The following GINS2 variants were observed in gnomAD, a reference collection of about 807,000 sequenced individuals.
GINS2 encodes DNA replication complex GINS protein PSF2.
GINS2 carries 23 observed loss-of-function variants against 21.2 expected under a neutral mutation model. The ratio of observed to expected loss-of-function variants is 1.08; its 90% CI spans 0.78 to 1.53. GINS2 has a LOEUF of 1.53. Among genes scored for constraint, GINS2 ranks in the 40% most tolerant of loss-of-function variants. The pLI is 0.00. For synonymous variants in GINS2, 118 were observed against 85.6 expected (o/e 1.38, Z -2.09); for missense variants, 323 against 233.9 (o/e 1.38, Z -2.49).
chr16:85,684,385 C>G lies in GINS2; in HGVS notation c.206-2704G>C, dbSNP rs923928334. Among the ~76,000 whole-genome samples the G allele has an allele frequency of 1.3e-5, 2 of 152,278 alleles. 1 individual carries two copies. The highest frequency in any genetic ancestry group is 4.2e-4 in the South Asian group (2 of 4,818). On this transcript the variant is annotated intron_variant, in intron 2 of 4. Coordinates refer to ENST00000253462, the MANE Select transcript of GINS2 (RefSeq NM_016095.3). ...TGATGCACACCTGTAGTCCCAGCTA[C>G]TAGGGAGGCTGAGATGGGAGGATCA...
chr16:85,687,348 G>C (rs1041091627), intron 2 of GINS2, 112 bp downstream of exon 2: 16 of 584,910 alleles, frequency 2.7e-5, no homozygotes, highest in Non-Finnish European at 4.9e-5. Flanking sequence ...ACGGAACAGA[G>C]GGAGCACGGA....
At position 85,678,125 on chromosome 16, in the gene GINS2, G is replaced by T; in HGVS notation, c.*87C>A. ...ATCACACATTTTTCATGCATCAGAA[G>T]TGTTTCTAGAGCTCCAGAACCACGA... On this transcript the variant is annotated 3_prime_UTR_variant, in exon 5 of 5. Coordinates refer to ENST00000253462, the MANE Select transcript of GINS2 (RefSeq NM_016095.3). 8.8e-7 allele frequency: 1 copy of T among 1,142,828 alleles called. No homozygotes were observed. The highest frequency in any genetic ancestry group is 1.4e-5 in the South Asian group (1 of 72,466). The allele number at this position is 1,142,828 out of a possible 1,614,324, so 70.8% of individuals were successfully genotyped here.
intron 3 of GINS2, 27 bp from the exon 4 acceptor site, chr16:85,678,693 C>G (rs753347888): frequency 1.9e-6 from 3 of 1,606,856 alleles, no homozygotes; most frequent in Non-Finnish European, 2.6e-6. Flanking sequence ...TAAAGTCAGT[C>G]GGGGAACACT....
intron 3 of GINS2, among the ~76,000 whole-genome samples, chr16:85,680,003 C>T (rs146939864): frequency 6.0e-4 from 91 of 152,296 alleles, no homozygotes; most frequent in Non-Finnish European, 1.1e-3. Context: ...TCTCCCCTAC[C>T]GTCCACCTCC....
chr16:85,685,648 G>A (rs1413598719), intron 2 of GINS2, among the ~76,000 whole-genome samples: 2 of 89,326 alleles, frequency 2.2e-5, no homozygotes, highest in African/African-American at 3.9e-5. Context: ...CCCAGCCTGG[G>A]TGACAGAGCA....
intron 3 of GINS2, among the ~76,000 whole-genome samples, chr16:85,680,582 C>T (rs1197112702): frequency 4.6e-5 from 7 of 151,986 alleles, no homozygotes; most frequent in Non-Finnish European, 1.5e-5. Flanking sequence ...GAGACCCAGC[C>T]CCTGCCCATT....
intron 3 of GINS2, among the ~76,000 whole-genome samples, chr16:85,680,378 C>T (rs544833329): frequency 1.3e-5 from 2 of 152,344 alleles, no homozygotes; most frequent in South Asian, 4.1e-4. Context: ...ACTAGTGTCA[C>T]AATTTTTTAT....
chr16:85,687,674 C>A, intron 1 of GINS2, 100 bp from the exon 2 acceptor site: 1 of 645,838 alleles, frequency 1.5e-6, no homozygotes, highest in Non-Finnish European at 2.6e-6. Context: ...ATTGCAGAGG[C>A]TGAAGTCCAA....
chr16:85,681,692 G>C lies in GINS2; in HGVS notation c.206-11C>G, dbSNP rs766620022. On this transcript the variant is annotated splice_polypyrimidine_tract_variant and intron_variant, in intron 2 of 4. Transcript: ENST00000253462. ...TCTTCTCCAACTTTTCTGAAATTTA[G>C]AAGTTAATACATTTTACCATCATTA... is the stretch of plus-strand genomic sequence containing the variant. 19 of 1,514,068 alleles carry C rather than the reference G, an allele frequency of 1.3e-5. No homozygotes were observed. The East Asian group carries it at 3.8e-4, about 30-fold the overall frequency. The allele number at this position is 1,514,068 out of a possible 1,614,324, so 93.8% of individuals were successfully genotyped here. A position where few individuals can be genotyped will look rare whatever the true frequency, so the allele number is the denominator to read the frequency against.
chr16:85,677,784 T>G lies in GINS2; in HGVS notation c.*428A>C. ...TCTGTGAGCCACCTCTGTGAGAGAG[T>G]CTAAATTCAGCCCAAGAAATCAGGA... On this transcript the variant is annotated 3_prime_UTR_variant, in exon 5 of 5. Coordinates refer to ENST00000253462, the MANE Select transcript of GINS2 (RefSeq NM_016095.3). The G allele has an allele frequency of 6.1e-6, 1 of 162,958 alleles. No homozygotes were observed. The highest frequency in any genetic ancestry group is 1.8e-4 in the East Asian group (1 of 5,500). The allele number at this position is 162,958 out of a possible 1,614,324, so 10.1% of individuals were successfully genotyped here.
At position 85,678,474 on chromosome 16, in the gene GINS2, C is replaced by T. The variant is rs2053704230; in HGVS notation, c.432+66G>A. The T allele has an allele frequency of 3.8e-6, 6 of 1,584,054 alleles. No individual in the cohort carries two copies. The African/African-American group carries it at 6.7e-5, about 18-fold the overall frequency. On this transcript the variant is annotated intron_variant, in intron 4 of 4. Coordinates refer to ENST00000253462, the MANE Select transcript of GINS2 (RefSeq NM_016095.3). ...TAATGCCTGCCTGTAATAGCCTCAGCAGACGGGAGCCATGTGAAATTATGC... is the reference window on the plus strand; with the variant it reads ...TAATGCCTGCCTGTAATAGCCTCAGTAGACGGGAGCCATGTGAAATTATGC...
chr16:85,681,599 C>T lies in GINS2; in HGVS notation c.288G>A (p.Thr96=), dbSNP rs370361738. The T allele has an allele frequency of 4.4e-5, 70 of 1,603,202 alleles. No individual in the cohort carries two copies. Among genetic ancestry groups the T allele is most frequent in the South Asian group, 2.6e-4 (24 of 90,798 alleles). ...PMPSPYYMEL[T]KLLLNHASDN... is the part of the protein sequence containing the mutation. ...CTACTTACTGATTTAACAGGAGCTTCGTAAGTTCCATGTAGTAAGGGCTGG... is the reference window on the plus strand; with the variant it reads ...CTACTTACTGATTTAACAGGAGCTTTGTAAGTTCCATGTAGTAAGGGCTGG... Residue 96 remains threonine (T), a synonymous_variant, in exon 3 of 5, where the codon ACG becomes ACA. Coordinates refer to ENST00000253462, the MANE Select transcript of GINS2 (RefSeq NM_016095.3).
intron 3 of GINS2, 54 bp downstream of exon 3, chr16:85,681,528 G>A (rs1598759592): frequency 2.9e-6 from 3 of 1,021,742 alleles, no homozygotes; most frequent in East Asian, 4.8e-5. Context: ...GTTAGGGGAA[G>A]GGCATGGCGA....
chr16:85,676,617 A>AG lies in GINS2; in HGVS notation c.*1594dup, dbSNP rs1442078100. Reference sequence around the variant, plus strand: ...GGCAGATGCTGGGTGATAAGTCTTTAGGCTCAGCCTGTCACACATGCGCAT... The same window carrying AG: ...GGCAGATGCTGGGTGATAAGTCTTTAGGGCTCAGCCTGTCACACATGCGCAT... On this transcript the variant is annotated 3_prime_UTR_variant, in exon 5 of 5. Coordinates refer to ENST00000253462, the MANE Select transcript of GINS2 (RefSeq NM_016095.3). 1 of 152,252 alleles carries AG rather than the reference A, an allele frequency of 6.6e-6. No homozygotes were observed. The highest frequency in any genetic ancestry group is 1.9e-4 in the East Asian group (1 of 5,206). The allele number at this position is 152,252 out of a possible 1,614,324, so 9.4% of individuals were successfully genotyped here. A position where few individuals can be genotyped will look rare whatever the true frequency, so the allele number is the denominator to read the frequency against.
chr16:85,685,977 C>G (rs2053773731), intron 2 of GINS2, among the ~76,000 whole-genome samples: 1 of 151,000 alleles, frequency 6.6e-6, no homozygotes, highest in Non-Finnish European at 1.5e-5. Flanking sequence ...ATGACCATAC[C>G]CCTCTCCTCA....
At chr16:85,679,774 C>A (rs555187906) in intron 3 of GINS2, among the ~76,000 whole-genome samples, 1 of 152,178 alleles carries the variant, frequency 6.6e-6, no homozygotes, top group Non-Finnish European at 1.5e-5. Context: ...GTTTATAGAT[C>A]CTCTCCCTTC....
At chr16:85,685,670 C>CAAAAAAAAAAA (rs752631926) in intron 2 of GINS2, among the ~76,000 whole-genome samples, 76 of 55,272 alleles carry the variant, frequency 1.4e-3, no homozygotes, top group African/African-American at 4.1e-3. Flanking sequence ...GACCCTTTCT[C>CAAAAAAAAAAA]AAAAAAAAAA....
intron 1 of GINS2, among the ~76,000 whole-genome samples, chr16:85,688,349 C>T (rs915972520): frequency 5.9e-5 from 9 of 152,108 alleles, no homozygotes; most frequent in African/African-American, 2.2e-4. Flanking sequence ...AGTTCGAGAC[C>T]AGCCTGGCCA....
rs2053702006 is a variant in GINS2 at position 85,678,286 on chromosome 16, G to GT, written c.483dup (p.Gln162ThrfsTer38). On this transcript the variant is annotated frameshift_variant, in exon 5 of 5. Transcript: ENST00000253462. LOFTEE classifies it high-confidence loss of function. Reference sequence around the variant, plus strand: ...AGTTTGTACATGTGGTTGAGCGCTTGTGTGAGGAAAGTCCCGCTGGTGTTG... The same window carrying GT: ...AGTTTGTACATGTGGTTGAGCGCTTGTTGTGAGGAAAGTCCCGCTGGTGTTG... 6.2e-7 allele frequency: 1 copy of GT among 1,612,710 alleles called. No individual in the cohort carries two copies.
Sources: gnomAD v4.1 joint callset for allele counts (sites outside exome capture counted in the v4.1 genomes callset) on GRCh38, gnomAD v4.1.1 for gene constraint, MANE v1.5 for transcripts, NCBI Gene and HGNC (gene_info 2026-07-23, HGNC 2026-07-21) for gene names.